The following FHIT variants were observed in gnomAD, a reference collection of about 807,000 sequenced individuals.
FHIT encodes fragile histidine triad diadenosine triphosphatase.
FHIT carries 19 observed loss-of-function variants against 17.9 expected under a neutral mutation model. That is an observed-to-expected ratio of 1.06 (90% CI 0.74 to 1.56). The LOEUF (loss-of-function observed/expected upper bound fraction) is 1.56, where lower values mean the gene tolerates loss of function less well. Among genes scored for constraint, FHIT ranks in the 40% most tolerant of loss-of-function variants. The probability of loss-of-function intolerance (pLI) is 0.00; values close to 1 mark genes in which losing one functional copy is unlikely to be tolerated. For missense variants in FHIT, 248 were observed against 189.2 expected (o/e 1.31, Z -1.82); for synonymous variants, 81 against 69.7 (o/e 1.16, Z -0.81).
chr3:60,236,859 C>T (rs537710018), intron 5 of FHIT, among the ~76,000 whole-genome samples: 5 of 152,262 alleles, frequency 3.3e-5, no homozygotes, highest in African/African-American at 9.6e-5. Context: ...TTTTTCTATG[C>T]ATTTAGCTAC....
chr3:60,216,419 C>T (rs952214173), intron 5 of FHIT, among the ~76,000 whole-genome samples: 6 of 152,054 alleles, frequency 3.9e-5, no homozygotes, highest in African/African-American at 9.7e-5. Context: ...ACCCAGAAGA[C>T]GTTTTATTTC....
At chr3:59,836,396 AC>A (rs928610713) in intron 8 of FHIT, among the ~76,000 whole-genome samples, 5 of 152,122 alleles carry the variant, frequency 3.3e-5, no homozygotes, top group African/African-American at 9.7e-5. Flanking sequence ...TAAGTAGGAG[AC>A]CCAGGACATA....
At chr3:60,199,957 C>G (rs912957755) in intron 5 of FHIT, among the ~76,000 whole-genome samples, 2 of 152,082 alleles carry the variant, frequency 1.3e-5, no homozygotes, top group Non-Finnish European at 2.9e-5. Flanking sequence ...CACTAATATT[C>G]TTTTGTTGTA....
chr3:60,822,742 T>G (rs1701970718), intron 3 of FHIT, among the ~76,000 whole-genome samples: 1 of 152,160 alleles, frequency 6.6e-6, no homozygotes, highest in South Asian at 2.1e-4. Context: ...TGTTAGATGC[T>G]AGGGCAAAGT....
intron 3 of FHIT, among the ~76,000 whole-genome samples, chr3:60,871,023 G>A (rs1309903122): frequency 6.6e-6 from 1 of 151,974 alleles, no homozygotes; most frequent in African/African-American, 2.4e-5. Flanking sequence ...TAAAAAGATG[G>A]CACAATAGGA....
In FHIT at chr3:60,416,962, G is replaced by A. The variant is rs1203522843; in HGVS notation, c.103+119898C>T. Among the ~76,000 whole-genome samples, 6 of 151,960 alleles carry A rather than the reference G, an allele frequency of 3.9e-5. No homozygotes were observed. In the South Asian group the frequency reaches 6.3e-4, roughly 16 times the overall value. ...AAATTAGCCGGGCGTGGTGGCAGGC[G>A]CCTGTAGTCCCAGCTACTCGGGAGG... On this transcript the variant is annotated intron_variant, in intron 5 of 9. Transcript: ENST00000492590.
chr3:59,882,709 G>C (rs998423170), intron 8 of FHIT, among the ~76,000 whole-genome samples: 1 of 152,200 alleles, frequency 6.6e-6, no homozygotes, highest in Admixed American at 6.5e-5. Flanking sequence ...GAAGAAGACA[G>C]ATGCCCTGGC....
chr3:60,429,143 T>C (rs2107288753), intron 5 of FHIT, among the ~76,000 whole-genome samples: 1 of 152,152 alleles, frequency 6.6e-6, no homozygotes, highest in South Asian at 2.1e-4. Flanking sequence ...CTTTATTTCC[T>C]GCCAAACACT....
intron 3 of FHIT, among the ~76,000 whole-genome samples, chr3:60,840,372 A>C (rs1702681461): frequency 6.6e-6 from 1 of 152,170 alleles, no homozygotes; most frequent in Admixed American, 6.5e-5. Flanking sequence ...GTGGGCTTTA[A>C]GAATATGAAC....
intron 5 of FHIT, among the ~76,000 whole-genome samples, chr3:60,438,522 A>G (rs1000119525): frequency 2.0e-5 from 3 of 152,058 alleles, no homozygotes; most frequent in Non-Finnish European, 2.9e-5. Context: ...CTTTCAAAAT[A>G]TGCTTTTCTT....
At chr3:60,889,163 AT>A (rs1200131027) in intron 3 of FHIT, among the ~76,000 whole-genome samples, 10 of 151,506 alleles carry the variant, frequency 6.6e-5, no homozygotes, top group African/African-American at 1.2e-4. Context: ...CTGCATAACC[AT>A]TTTTTTTCCC....
Position 60,144,567 on chromosome 3 carries a change from C to T in FHIT, c.104-130415G>A, listed in dbSNP as rs559766987. Among the ~76,000 whole-genome samples the T allele has an allele frequency of 5.1e-4, 78 of 152,086 alleles. 1 individual carries two copies. Among genetic ancestry groups the T allele is most frequent in the African/African-American group, 1.9e-3 (77 of 41,480 alleles). On this transcript the variant is annotated intron_variant, in intron 5 of 9. Coordinates refer to ENST00000492590, the MANE Select transcript of FHIT (RefSeq NM_002012.4). Reference sequence around the variant, plus strand: ...GCTTTAGGTAAGTCTTGAACATTTTCTCAGTTAACTGAAGATTTTTTTTAA... The same window carrying T: ...GCTTTAGGTAAGTCTTGAACATTTTTTCAGTTAACTGAAGATTTTTTTTAA...
At chr3:60,801,041 A>C (rs1406341553) in intron 4 of FHIT, among the ~76,000 whole-genome samples, 11 of 152,176 alleles carry the variant, frequency 7.2e-5, no homozygotes, top group Admixed American at 7.2e-4. Flanking sequence ...AGGGAAATAC[A>C]ATATAAGTAT....
chr3:60,311,102 G>T (rs1346039610), intron 5 of FHIT, among the ~76,000 whole-genome samples: 1 of 151,952 alleles, frequency 6.6e-6, no homozygotes, highest in Non-Finnish European at 1.5e-5. Flanking sequence ...ATCCCTTTTG[G>T]CATCTTCCCC....
chr3:60,130,181 G>C (rs1304295072), intron 5 of FHIT, among the ~76,000 whole-genome samples: 8 of 152,148 alleles, frequency 5.3e-5, no homozygotes, highest in Non-Finnish European at 4.4e-5. Flanking sequence ...CCCCATGTCT[G>C]GGAGTGTCTC....
intron 2 of FHIT, among the ~76,000 whole-genome samples, chr3:61,128,431 T>C (rs546852987): frequency 6.6e-5 from 10 of 152,348 alleles, no homozygotes; most frequent in Admixed American, 5.9e-4. Flanking sequence ...GGATTCAATA[T>C]AGCTTAGCAT....
intron 7 of FHIT, among the ~76,000 whole-genome samples, chr3:60,004,159 G>A (rs1360672127): frequency 6.6e-6 from 1 of 152,168 alleles, no homozygotes; most frequent in African/African-American, 2.4e-5. Context: ...TGGTATTTTA[G>A]GGTCTACAAA....
chr3:60,800,801 AT>A (rs372120080), intron 4 of FHIT, among the ~76,000 whole-genome samples: 5 of 152,272 alleles, frequency 3.3e-5, no homozygotes, highest in African/African-American at 1.2e-4. Context: ...CCACAGAGTT[AT>A]TCCCCTTGAC....
chr3:60,233,797 C>T (rs759620527), intron 5 of FHIT, among the ~76,000 whole-genome samples: 3 of 152,078 alleles, frequency 2.0e-5, no homozygotes, highest in Non-Finnish European at 4.4e-5. Context: ...GTAAGTCCCA[C>T]AGGATCTGAT....
Sources: gnomAD v4.1 joint callset for allele counts (sites outside exome capture counted in the v4.1 genomes callset) on GRCh38, gnomAD v4.1.1 for gene constraint, MANE v1.5 for transcripts, NCBI Gene and HGNC (gene_info 2026-07-23, HGNC 2026-07-21) for gene names.